VWDE: variants seen among roughly 807,000 people sequenced by gnomAD.
VWDE encodes the protein von Willebrand factor D and EGF domains.
A neutral mutation model predicts 178.4 loss-of-function variants in VWDE; 207 were observed. The ratio of observed to expected loss-of-function variants is 1.16; its 90% confidence interval spans 1.04 to 1.30. The LOEUF is 1.30. Ranked by LOEUF, VWDE falls within the 50% of genes most tolerant of loss-of-function variation. The pLI is 0.00. For synonymous variants in VWDE, 738 were observed against 651.4 expected (o/e 1.13, Z -2.02); for missense variants, 2,287 against 1,901.3 (o/e 1.20, Z -3.77).
rs748962251 is a variant in VWDE at position 12,361,545 on chromosome 7, T to A, written c.2899-24A>T. On this transcript the variant is annotated intron_variant, in intron 13 of 28. Transcript: ENST00000275358. ...TACTGAAGACATAGTGAGAAAAAAA[T>A]TAACCTCTGTTAAATTATGGAAATA... The A allele has an allele frequency of 1.7e-5, 26 of 1,489,020 alleles. No individual in the cohort carries two copies. The South Asian group carries it at 2.4e-4, about 14-fold the overall frequency. 92.2% of individuals were successfully genotyped at this position (1,489,020 alleles called of 1,614,324 possible). A position where few individuals can be genotyped will look rare whatever the true frequency, so the allele number is the denominator to read the frequency against.
At chr7:12,333,186 A>G (rs1780824002) in intron 28 of VWDE, among the ~76,000 whole-genome samples, 1 of 152,186 alleles carries the variant, frequency 6.6e-6, no homozygotes, top group South Asian at 2.1e-4. Flanking sequence ...TTGAATCTAT[A>G]TTGTGGAACA....
intron 21 of VWDE, 45 bp downstream of exon 21, chr7:12,344,150 G>T: frequency 6.8e-7 from 1 of 1,475,324 alleles, no homozygotes; most frequent in Non-Finnish European, 9.2e-7. Context: ...AGAAAATTAT[G>T]CTATATTTTA....
intron 1 of VWDE, among the ~76,000 whole-genome samples, chr7:12,397,987 T>C (rs117723634): frequency 0.031 from 4,788 of 152,284 alleles, 128 homozygotes; most frequent in Non-Finnish European, 0.051. Context: ...TCAGTCACTA[T>C]GAAAAGCAGT....
rs1275456236 is a variant in VWDE at position 12,344,484 on chromosome 7, A to G, written c.3887-15T>C. Reference sequence around the variant, plus strand: ...TTTACAAATGGCTAAAAAAAAATCAAAGAAAAAAAGGTTGATTGCTAAAAC... The same window carrying G: ...TTTACAAATGGCTAAAAAAAAATCAGAGAAAAAAAGGTTGATTGCTAAAAC... On this transcript the variant is annotated splice_polypyrimidine_tract_variant and intron_variant, in intron 19 of 28. Coordinates refer to ENST00000275358, the MANE Select transcript of VWDE (RefSeq NM_001135924.3). 6.5e-7 allele frequency: 1 copy of G among 1,539,238 alleles called. No homozygotes were observed. The highest frequency in any genetic ancestry group is 8.8e-7 in the Non-Finnish European group (1 of 1,139,608).
At chr7:12,354,209 C>T in intron 18 of VWDE, 1 of 275,880 alleles carries the variant, frequency 3.6e-6, no homozygotes, top group Non-Finnish European at 7.1e-6. Flanking sequence ...TATATTTTTG[C>T]ATCCTTTGTA....
intron 5 of VWDE, 110 bp downstream of exon 5, chr7:12,380,375 TA>T: frequency 7.3e-7 from 1 of 1,373,936 alleles, no homozygotes; most frequent in Non-Finnish European, 9.6e-7. Flanking sequence ...AGAAAAATAT[TA>T]GGGCTTTATA....
At chr7:12,388,238 T>C (rs1023204179) in intron 3 of VWDE, among the ~76,000 whole-genome samples, 1 of 152,180 alleles carries the variant, frequency 6.6e-6, no homozygotes, top group East Asian at 1.9e-4. Flanking sequence ...ATTATGCTTT[T>C]GGGGGAAGAG....
rs563283994 is a variant in VWDE, at chr7:12,388,633, G to A, written c.475+494C>T. 7.2e-4 allele frequency among the ~76,000 whole-genome samples: 109 copies of A among 152,186 alleles called. 2 individuals are homozygous for A. The highest frequency in any genetic ancestry group is 2.5e-3 in the African/African-American group (103 of 41,546). ...TTCAGTTTATTTTTAGATATTGTCT[G>A]AAGCATTCCACTAGAATGTAAGTTT... On this transcript the variant is annotated intron_variant, in intron 3 of 28. Transcript: ENST00000275358.
chr7:12,377,372 G>A (rs548767440), intron 7 of VWDE, among the ~76,000 whole-genome samples: 4 of 152,000 alleles, frequency 2.6e-5, no homozygotes, highest in Non-Finnish European at 2.9e-5. Flanking sequence ...AACTTTTAAC[G>A]TAACTTATCA....
At chr7:12,357,563 T>G in intron 16 of VWDE, 48 bp from the exon 17 acceptor site, 1 of 1,538,856 alleles carries the variant, frequency 6.5e-7, no homozygotes, top group Non-Finnish European at 8.8e-7. Context: ...GAAAAAGGAA[T>G]GAAGTGTACT....
At chr7:12,389,564 T>A (rs1784280908) in intron 2 of VWDE, among the ~76,000 whole-genome samples, 1 of 152,214 alleles carries the variant, frequency 6.6e-6, no homozygotes, top group Non-Finnish European at 1.5e-5. Flanking sequence ...ATATACTCAT[T>A]CAATTACACA....
rs1298355895 is a variant in VWDE at position 12,331,271 on chromosome 7, C to T, written c.4759-74G>A. On this transcript the variant is annotated intron_variant, in intron 28 of 28. Transcript: ENST00000275358. ...TTTAACCCTTACTCATTATTTGTTG[C>T]CTCCTTCCCTCTGACATGATACGTA... is the stretch of plus-strand genomic sequence containing the variant. The T allele has an allele frequency of 3.2e-6, 4 of 1,258,320 alleles. No homozygotes were observed. The African/African-American group carries it at 4.6e-5, about 14-fold the overall frequency. 77.9% of individuals were successfully genotyped at this position (1,258,320 alleles called of 1,614,324 possible).
At position 12,403,686 on chromosome 7, in the gene VWDE, C is replaced by A. The variant is rs139879021; in HGVS notation, c.31G>T (p.Ala11Ser). Residue 11 changes from alanine (A) to serine (S), a missense_variant, in exon 1 of 29, where the codon GCG becomes TCG. Coordinates refer to ENST00000275358, the MANE Select transcript of VWDE (RefSeq NM_001135924.3). ...TCCCCCCAGGCCAGGAACATCAGCG[C>A]GATCACCAGCACGCAGGCTCCGCCA... MPGGACVLVI[A>S]LMFLAWGEAQ... 3 of 1,548,488 alleles carry A rather than the reference C, an allele frequency of 1.9e-6. No homozygotes were observed. The highest frequency in any genetic ancestry group is 2.4e-5 in the East Asian group (1 of 40,884).
chr7:12,384,118 G>A (rs1448170901), intron 3 of VWDE, among the ~76,000 whole-genome samples: 3 of 152,100 alleles, frequency 2.0e-5, no homozygotes, highest in African/African-American at 7.2e-5. Flanking sequence ...TTCTTCAGTA[G>A]GTAAATGGAT....
chr7:12,354,327 T>A (rs1052002570), intron 18 of VWDE: 3 of 406,114 alleles, frequency 7.4e-6, no homozygotes, highest in African/African-American at 6.4e-5. Context: ...AAAAATCTCA[T>A]AGCAGAAAAT....
chr7:12,352,996 G>T (rs1001004636), intron 18 of VWDE, among the ~76,000 whole-genome samples: 2 of 152,052 alleles, frequency 1.3e-5, no homozygotes, highest in African/African-American at 2.4e-5. Context: ...GAGCTTACAT[G>T]GATATTCCAT....
intron 9 of VWDE, among the ~76,000 whole-genome samples, chr7:12,373,601 T>G (rs866917976): frequency 1.3e-5 from 2 of 152,238 alleles, no homozygotes; most frequent in South Asian, 4.1e-4. Context: ...CAGCCTTCCC[T>G]TTCCACCCAA....
intron 19 of VWDE, among the ~76,000 whole-genome samples, chr7:12,346,455 T>G (rs149285726): frequency 6.6e-6 from 1 of 152,160 alleles, no homozygotes; most frequent in East Asian, 1.9e-4. Context: ...AGGAACTAAA[T>G]GTATAAGCAA....
chr7:12,336,301 C>G, intron 26 of VWDE, 65 bp from the exon 27 acceptor site: 1 of 1,324,378 alleles, frequency 7.6e-7, no homozygotes, highest in Non-Finnish European at 1.0e-6. Context: ...CCATAACCCA[C>G]AAAACTTTTC....
Sources: allele counts gnomAD v4.1 joint callset (sites outside exome capture counted in the v4.1 genomes callset), GRCh38; gene constraint gnomAD v4.1.1; transcripts MANE v1.5; gene names NCBI Gene and HGNC (gene_info 2026-07-23, HGNC 2026-07-21).